TRPV1: variants seen among roughly 807,000 people sequenced by gnomAD.
The protein encoded by TRPV1 is OTRPC1.
A neutral mutation model predicts 82.3 loss-of-function variants in TRPV1; 82 were observed. The observed-to-expected ratio is 1.00, with a 90% confidence interval of 0.83 to 1.20. The LOEUF is 1.20. Ranked by LOEUF, TRPV1 falls within the 50% of genes most tolerant of loss-of-function variation. TRPV1 has a pLI of 0.00. For missense variants in TRPV1, 1,067 were observed against 1,096.8 expected, an observed-to-expected ratio of 0.97 and a Z score of 0.38; for synonymous variants, 515 against 467.7, an observed-to-expected ratio of 1.10 and a Z score of -1.30.
At chr17:3,587,403 A>G (rs1478517163) in intron 8 of TRPV1, among the ~76,000 whole-genome samples, 1 of 152,226 alleles carries the variant, frequency 6.6e-6, no homozygotes, top group Non-Finnish European at 1.5e-5. Context: ...CCTTAGAAAG[A>G]AGGGACAGAT....
At chr17:3,606,133 G>C (rs1004172864) in intron 2 of TRPV1, among the ~76,000 whole-genome samples, 1 of 152,022 alleles carries the variant, frequency 6.6e-6, no homozygotes, top group African/African-American at 2.4e-5. Flanking sequence ...TAATTTTTTT[G>C]TATTTTTAGT....
chr17:3,583,236 T>C (rs1455401966), intron 10 of TRPV1, 102 bp downstream of exon 10: 3 of 1,021,438 alleles, frequency 2.9e-6, no homozygotes, highest in Non-Finnish European at 1.5e-6. Flanking sequence ...AGTAGGGCTA[T>C]GATGTGTCTG....
rs1201255762 is a variant in TRPV1, at chr17:3,593,120, GTGTGTGTGTGTGTGTGTC to G, written c.-33-755_-33-738del. 7.4e-4 allele frequency among the ~76,000 whole-genome samples: 65 copies of G among 87,354 alleles called. 1 individual carries two copies. Among genetic ancestry groups the G allele is most frequent in the East Asian group, 4.1e-3 (12 of 2,900 alleles). 57.3% of individuals were successfully genotyped at this position (87,354 alleles called of 152,430 possible). A position where few individuals can be genotyped will look rare whatever the true frequency, so the allele number is the denominator to read the frequency against. On this transcript the variant is annotated intron_variant, in intron 2 of 16. Coordinates refer to ENST00000572705, the MANE Select transcript of TRPV1 (RefSeq NM_080704.4). Reference sequence around the variant, plus strand: ...TGTGTGTGTGTGTGTGTGTGTGTGTGTGTGTGTGTGTGTGTGTCTGTGTGTCTCACTCTGTCGCCCAGA... The same window carrying G: ...TGTGTGTGTGTGTGTGTGTGTGTGTGTGTGTGTCTCACTCTGTCGCCCAGA...
At chr17:3,600,327 C>T (rs1373910083) in intron 2 of TRPV1, among the ~76,000 whole-genome samples, 1 of 152,212 alleles carries the variant, frequency 6.6e-6, no homozygotes, top group Non-Finnish European at 1.5e-5. Context: ...GTGGCTCAAG[C>T]CTGTAATCCT....
intron 15 of TRPV1, 76 bp downstream of exon 15, chr17:3,572,046 C>A (rs2074860655): frequency 6.4e-7 from 1 of 1,553,784 alleles, no homozygotes; most frequent in African/African-American, 1.4e-5. Flanking sequence ...CTCATGGAGG[C>A]CCTGAGGCAG....
intron 16 of TRPV1, among the ~76,000 whole-genome samples, chr17:3,568,826 G>C (rs537937121): frequency 4.9e-4 from 74 of 152,270 alleles, no homozygotes; most frequent in Admixed American, 1.3e-3. Context: ...CAGATCACCT[G>C]AGATCAGGAG....
chr17:3,592,486 C>T (rs2075172336), intron 2 of TRPV1, 103 bp from the exon 3 acceptor site: 1 of 1,190,352 alleles, frequency 8.4e-7, no homozygotes, highest in Non-Finnish European at 1.1e-6. Flanking sequence ...CAGGGTACCC[C>T]AAAACTCCAA....
chr17:3,571,204 G>A (rs2074847636), intron 16 of TRPV1, among the ~76,000 whole-genome samples: 1 of 152,248 alleles, frequency 6.6e-6, no homozygotes, highest in African/African-American at 2.4e-5. Context: ...AGGCAGGGCA[G>A]CCCATACAAG....
chr17:3,578,696 A>T (rs1353081689), intron 11 of TRPV1: 1 of 152,230 alleles, frequency 6.6e-6, no homozygotes, highest in Non-Finnish European at 1.5e-5. Context: ...AGAGGAAAAG[A>T]ACCCATTCTA....
chr17:3,569,878 A>G (rs1266931432), intron 16 of TRPV1, among the ~76,000 whole-genome samples: 1 of 150,482 alleles, frequency 6.6e-6, no homozygotes, highest in Non-Finnish European at 1.5e-5. Flanking sequence ...TAAAGATAGA[A>G]AACAGAATAG....
At chr17:3,571,423 G>C (rs1057360756) in intron 16 of TRPV1, 101 bp downstream of exon 16, 2 of 920,608 alleles carry the variant, frequency 2.2e-6, no homozygotes, top group Non-Finnish European at 3.3e-6. Flanking sequence ...GTCCTGGGGG[G>C]ATGAGGAACC....
intron 10 of TRPV1, 126 bp downstream of exon 10, chr17:3,583,212 C>T (rs2075043381): frequency 2.3e-6 from 2 of 862,416 alleles, no homozygotes; most frequent in Non-Finnish European, 3.6e-6. Context: ...ACCTCTGCGT[C>T]TCTCAGCTCC....
intron 13 of TRPV1, among the ~76,000 whole-genome samples, chr17:3,576,598 G>A (rs1371398523): frequency 1.4e-5 from 2 of 147,600 alleles, no homozygotes; most frequent in Non-Finnish European, 3.0e-5. Context: ...CCTCCAGTGA[G>A]CCGAGATCGC....
At chr17:3,595,270 G>A (rs1053065864) in intron 2 of TRPV1, among the ~76,000 whole-genome samples, 1 of 152,110 alleles carries the variant, frequency 6.6e-6, no homozygotes, top group Non-Finnish European at 1.5e-5. Context: ...TGAGGAGACC[G>A]AGGCACAGAG....
chr17:3,582,759 A>G (rs1296145628), intron 10 of TRPV1, among the ~76,000 whole-genome samples: 24 of 151,998 alleles, frequency 1.6e-4, no homozygotes, highest in Non-Finnish European at 5.9e-5. Flanking sequence ...GGAGTTCGAG[A>G]CCAGCCTGGC....
chr17:3,577,289 C>A, intron 12 of TRPV1, 97 bp from the exon 13 acceptor site: 4 of 1,327,622 alleles, frequency 3.0e-6, no homozygotes, highest in South Asian at 1.3e-5. Flanking sequence ...GTCTTGAGAA[C>A]GTGCAGGGCG....
intron 2 of TRPV1, among the ~76,000 whole-genome samples, chr17:3,596,528 G>A (rs73303327): frequency 0.11 from 17,474 of 152,144 alleles, 2,875 homozygotes; most frequent in African/African-American, 0.37. Flanking sequence ...CCCTGCGCTC[G>A]TCCACTCCAC....
At chr17:3,574,703 C>G (rs901065677) in intron 13 of TRPV1, among the ~76,000 whole-genome samples, 3 of 152,108 alleles carry the variant, frequency 2.0e-5, no homozygotes, top group Admixed American at 6.6e-5. Flanking sequence ...AATCCCAGCA[C>G]TTTGGGAGGC....
intron 2 of TRPV1, 63 bp from the exon 3 acceptor site, chr17:3,592,446 C>G: frequency 7.0e-7 from 1 of 1,435,868 alleles, no homozygotes; most frequent in Non-Finnish European, 9.2e-7. Context: ...TTAGACCCCA[C>G]CTGCCCTCCT....
Sources: gnomAD v4.1 joint callset for allele counts (sites outside exome capture counted in the v4.1 genomes callset) on GRCh38, gnomAD v4.1.1 for gene constraint, MANE v1.5 for transcripts, NCBI Gene and HGNC (gene_info 2026-07-23, HGNC 2026-07-21) for gene names.